JARID2: variants seen among roughly 807,000 people sequenced by gnomAD.
The protein encoded by JARID2 is protein Jumonji.
JARID2 carries 21 observed loss-of-function variants against 125.6 expected under a neutral mutation model. The ratio of observed to expected loss-of-function variants is 0.17; its 90% CI spans 0.12 to 0.24. The LOEUF is 0.24. Ranked by LOEUF, JARID2 falls within the 10% of genes least tolerant of loss-of-function variation. The pLI, the probability that JARID2 is intolerant of heterozygous loss-of-function variation, is 1.00. For missense variants in JARID2, 1,303 were observed against 1,639.6 expected (o/e 0.79, Z 3.55); for synonymous variants, 736 against 661.6 (o/e 1.11, Z -1.73).
intron 1 of JARID2, among the ~76,000 whole-genome samples, chr6:15,326,785 G>A (rs750495002): frequency 6.6e-6 from 1 of 152,230 alleles, no homozygotes; most frequent in Non-Finnish European, 1.5e-5. Context: ...ATAGGCGTCA[G>A]CCACCACGTC....
chr6:15,384,774 G>A (rs1038102427), intron 2 of JARID2, among the ~76,000 whole-genome samples: 1 of 151,986 alleles, frequency 6.6e-6, no homozygotes, highest in Non-Finnish European at 1.5e-5. Flanking sequence ...ACACAGTGTT[G>A]CCCATGCTGG....
At chr6:15,429,284 A>G (rs948668501) in intron 3 of JARID2, among the ~76,000 whole-genome samples, 37 of 151,056 alleles carry the variant, frequency 2.4e-4, no homozygotes, top group Non-Finnish European at 4.3e-4. Context: ...TTTTTGAGGT[A>G]GTTGTGGTCT....
chr6:15,457,618 T>C (rs1768246731), intron 4 of JARID2, among the ~76,000 whole-genome samples: 1 of 151,634 alleles, frequency 6.6e-6, no homozygotes. Flanking sequence ...TTTTTTTTTT[T>C]TCCCTTCTCC....
chr6:15,441,860 C>T (rs531389607), intron 3 of JARID2, among the ~76,000 whole-genome samples: 65 of 152,068 alleles, frequency 4.3e-4, no homozygotes, highest in African/African-American at 1.5e-3. Context: ...GGCACGGTCT[C>T]GGCTCACTGC....
At chr6:15,442,910 T>A (rs1245017923) in intron 3 of JARID2, among the ~76,000 whole-genome samples, 1 of 152,212 alleles carries the variant, frequency 6.6e-6, no homozygotes, top group Non-Finnish European at 1.5e-5. Context: ...AAAACTGTAC[T>A]GCATATTACT....
intron 5 of JARID2, among the ~76,000 whole-genome samples, chr6:15,476,909 GAGGAATT>G (rs1342389030): frequency 6.6e-6 from 1 of 152,210 alleles, no homozygotes; most frequent in Non-Finnish European, 1.5e-5. Context: ...AGGTAGACTA[GAGGAATT>G]AATAAATGCC....
At chr6:15,338,309 A>G (rs1328754720) in intron 1 of JARID2, among the ~76,000 whole-genome samples, 1 of 151,890 alleles carries the variant, frequency 6.6e-6, no homozygotes, top group Non-Finnish European at 1.5e-5. Context: ...CCCAGCTTAT[A>G]CTCCTCTGGA....
At chr6:15,477,175 C>T (rs570985480) in intron 5 of JARID2, among the ~76,000 whole-genome samples, 7 of 152,076 alleles carry the variant, frequency 4.6e-5, no homozygotes, top group African/African-American at 7.2e-5. Context: ...AGATTCATAC[C>T]GGGGGCATGT....
intron 5 of JARID2, among the ~76,000 whole-genome samples, chr6:15,483,385 G>C (rs1483253114): frequency 6.4e-5 from 6 of 93,298 alleles, no homozygotes; most frequent in Admixed American, 3.8e-4. Context: ...AGTGAAACTG[G>C]CTGTTTTTTT....
intron 3 of JARID2, among the ~76,000 whole-genome samples, chr6:15,450,342 G>C (rs144032455): frequency 1.3e-3 from 201 of 152,144 alleles, no homozygotes; most frequent in South Asian, 9.2e-3. Context: ...GCTAATTTTT[G>C]TATTTTTAGT....
intron 1 of JARID2, among the ~76,000 whole-genome samples, chr6:15,305,980 T>G (rs1296126584): frequency 6.6e-6 from 1 of 152,202 alleles, no homozygotes; most frequent in African/African-American, 2.4e-5. Flanking sequence ...TTGGTTACAG[T>G]TTTTAAAATG....
At chr6:15,295,123 CTTT>C (rs60419870) in intron 1 of JARID2, among the ~76,000 whole-genome samples, 6 of 129,446 alleles carry the variant, frequency 4.6e-5, no homozygotes, top group Non-Finnish European at 4.9e-5. Context: ...TTTTTTCTTT[CTTT>C]TTTTTTTTTT....
At chr6:15,413,271 C>T (rs1765985156) in intron 3 of JARID2, among the ~76,000 whole-genome samples, 1 of 152,016 alleles carries the variant, frequency 6.6e-6, no homozygotes, top group Admixed American at 6.5e-5. Context: ...CCTCGGCCTC[C>T]CAAAGTGTTG....
chr6:15,420,770 C>T (rs563175961), intron 3 of JARID2, among the ~76,000 whole-genome samples: 2 of 152,262 alleles, frequency 1.3e-5, no homozygotes, highest in Admixed American at 1.3e-4. Context: ...TTAGGTAGGG[C>T]CAAAGCAGTG....
In JARID2 at chr6:15,300,185, G is replaced by T. The variant is rs183123307; in HGVS notation, c.45+53601G>T. The stretch of plus-strand genomic sequence containing the variant: ...CAGAAATCTGTTGGAAAAATTTTCC[G>T]CAGTGAAGGTTGGATGGGTGTTCTG... On this transcript the variant is annotated intron_variant, in intron 1 of 17. Coordinates refer to ENST00000341776, the MANE Select transcript of JARID2 (RefSeq NM_004973.4). Among the ~76,000 whole-genome samples, 6 of 152,246 alleles carry T rather than the reference G, an allele frequency of 3.9e-5. No homozygotes were observed. The East Asian group carries it at 7.7e-4, about 20-fold the overall frequency.
At chr6:15,277,601 CT>C (rs1029273172) in intron 1 of JARID2, among the ~76,000 whole-genome samples, 15 of 152,130 alleles carry the variant, frequency 9.9e-5, no homozygotes, top group African/African-American at 3.6e-4. Flanking sequence ...GTCCGACAGT[CT>C]TTATTTTGCA....
rs190574434 is a variant in JARID2, at chr6:15,508,702, T to C, written c.2846+248T>C. ...TGATGAGCAAATCTTTTCATATGCT[T>C]AGTGGCCATTTAAGTTCCCCTTAGT... On this transcript the variant is annotated intron_variant, in intron 12 of 17. Transcript: ENST00000341776. 3.3e-4 allele frequency among the ~76,000 whole-genome samples: 50 copies of C among 152,372 alleles called. No homozygotes were observed. The East Asian group carries it at 9.0e-3, about 28-fold the overall frequency.
At chr6:15,363,855 A>G (rs1452106686) in intron 1 of JARID2, among the ~76,000 whole-genome samples, 2 of 152,112 alleles carry the variant, frequency 1.3e-5, no homozygotes, top group East Asian at 1.9e-4. Context: ...CAGGGTGGTT[A>G]TTAATTATTG....
intron 3 of JARID2, among the ~76,000 whole-genome samples, chr6:15,417,936 C>T (rs903119346): frequency 2.6e-5 from 4 of 152,056 alleles, no homozygotes; most frequent in African/African-American, 9.7e-5. Context: ...TATATCTTTC[C>T]TCTCTGTCAG....
Sources: allele counts gnomAD v4.1 joint callset (sites outside exome capture counted in the v4.1 genomes callset), GRCh38; gene constraint gnomAD v4.1.1; transcripts MANE v1.5; gene names NCBI Gene and HGNC (gene_info 2026-07-23, HGNC 2026-07-21).